GRIP2: variants seen among roughly 807,000 people sequenced by gnomAD.
The protein encoded by GRIP2 is glutamate receptor interacting protein 2.
In GRIP2, 58 loss-of-function variants were observed where a neutral mutation model predicts 108.3. The ratio of observed to expected loss-of-function variants is 0.54; its 90% CI spans 0.43 to 0.67. The LOEUF (loss-of-function observed/expected upper bound fraction) is 0.67. Ranked by LOEUF, GRIP2 falls within the 30% of genes least tolerant of loss-of-function variation. GRIP2 has a pLI of 0.00. For missense variants in GRIP2, 1,278 were observed against 1,430.6 expected (o/e 0.89, Z 1.72); for synonymous variants, 586 against 598.2 (o/e 0.98, Z 0.30).
chr3:14,493,721 C>T lies in GRIP2; in HGVS notation c.3076G>A (p.Ala1026Thr), dbSNP rs781001244. The T allele has an allele frequency of 4.3e-6, 7 of 1,610,140 alleles. No homozygotes were observed. The East Asian group carries it at 6.7e-5, about 15-fold the overall frequency. ...ELIISRKPHT[A>T]HSSRAPRSPG... ...GATCGGGGGGCCCGGCTGCTGTGTG[C>T]CGTGTGCGGCTTGCGGCTGATGATC... The change falls in exon 24 of 24, where the codon GCA becomes ACA. Residue 1026 changes from alanine to threonine, a missense_variant. Ala to Thr is a moderately conservative substitution (Grantham distance 58). Transcript: ENST00000621039.
the GRIP2 span, among the ~76,000 whole-genome samples, chr3:14,583,560 G>A: frequency 2.6e-5 from 4 of 152,232 alleles, no homozygotes; most frequent in African/African-American, 4.8e-5. Flanking sequence ...GAGGCTGGGA[G>A]GCTGAGAGGG....
At chr3:14,590,233 C>T in the GRIP2 span, among the ~76,000 whole-genome samples, 1 of 152,166 alleles carries the variant, frequency 6.6e-6, no homozygotes, top group Admixed American at 6.5e-5. Context: ...TGTGTTTCCT[C>T]TTCTAATCGC....
the GRIP2 span, among the ~76,000 whole-genome samples, chr3:14,561,740 G>A: frequency 3.9e-5 from 6 of 152,158 alleles, no homozygotes; most frequent in Non-Finnish European, 8.8e-5. Flanking sequence ...CTTCCCCACG[G>A]GCCAAGTGGT....
chr3:14,549,670 C>A (rs556705420), intron 1 of GRIP2, among the ~76,000 whole-genome samples: 3 of 152,278 alleles, frequency 2.0e-5, no homozygotes, highest in South Asian at 2.1e-4. Context: ...ATGACAATCC[C>A]GGCTGGCCCC....
At chr3:14,585,522 T>C in the GRIP2 span, among the ~76,000 whole-genome samples, 1 of 152,166 alleles carries the variant, frequency 6.6e-6, no homozygotes, top group Non-Finnish European at 1.5e-5. Flanking sequence ...CCGAGGCAGC[T>C]GGAGGGGAAA....
chr3:14,574,630 A>AG, the GRIP2 span: 16 of 669,840 alleles, frequency 2.4e-5, no homozygotes, highest in Non-Finnish European at 2.2e-5. Flanking sequence ...TGGGCAAAGA[A>AG]GGATGTGTCC....
At chr3:14,527,023 CA>C (rs1288037079) in intron 1 of GRIP2, among the ~76,000 whole-genome samples, 1 of 152,078 alleles carries the variant, frequency 6.6e-6, no homozygotes, top group Non-Finnish European at 1.5e-5. Flanking sequence ...CCCATCTCTA[CA>C]AAAAATGCAA....
the GRIP2 span, chr3:14,572,753 T>C: frequency 9.3e-6 from 5 of 539,888 alleles, no homozygotes; most frequent in African/African-American, 5.8e-5. Context: ...AGTTCCCACA[T>C]GGAGCAGGTG....
chr3:14,494,161 A>G (rs1693503756), intron 23 of GRIP2, among the ~76,000 whole-genome samples: 1 of 152,306 alleles, frequency 6.6e-6, no homozygotes, highest in Middle Eastern at 3.4e-3. Context: ...TCTTCTTTCT[A>G]TTTTATTTGC....
chr3:14,544,240 G>A (rs1695023939), upstream of GRIP2, among the ~76,000 whole-genome samples: 1 of 152,050 alleles, frequency 6.6e-6, no homozygotes. Flanking sequence ...TCCCAACGCA[G>A]GGCCAGGCCT....
chr3:14,560,344 G>A (rs2124990072), upstream of GRIP2, among the ~76,000 whole-genome samples: 1 of 152,296 alleles, frequency 6.6e-6, no homozygotes, highest in Middle Eastern at 3.4e-3. Flanking sequence ...GTGCAGTCCA[G>A]CTTCTCTAGA....
upstream of GRIP2, among the ~76,000 whole-genome samples, chr3:14,557,990 C>T (rs559946367): frequency 2.0e-5 from 3 of 152,262 alleles, no homozygotes; most frequent in South Asian, 6.2e-4. Flanking sequence ...AATATGTAAC[C>T]GTTATTAGTG....
In GRIP2 at chr3:14,520,410, C is replaced by T; in HGVS notation, c.840G>A (p.Lys280=). The change falls in exon 8 of 24, where the codon AAG becomes AAA. Residue 280 remains lysine (K), a synonymous_variant. Transcript: ENST00000621039. ...NKSVITIDRI[K]PASVVDRSGA... is the part of the protein sequence containing the mutation. ...CTTACCTGTCCACCACGCTGGCTGG[C>T]TTGATGCGGTCGATGGTAATGACTG... is the stretch of plus-strand genomic sequence containing the variant. 1 of 1,612,706 alleles carries T rather than the reference C, an allele frequency of 6.2e-7. No individual in the cohort carries two copies. Among genetic ancestry groups the T allele is most frequent in the Non-Finnish European group, 8.5e-7 (1 of 1,179,388 alleles).
chr3:14,600,765 T>C, the GRIP2 span, among the ~76,000 whole-genome samples: 1 of 152,164 alleles, frequency 6.6e-6, no homozygotes, highest in Non-Finnish European at 1.5e-5. Context: ...CTTTTTAAAA[T>C]AGTAATTTCC....
At chr3:14,549,918 T>C (rs1054608127) in intron 1 of GRIP2, among the ~76,000 whole-genome samples, 5 of 152,096 alleles carry the variant, frequency 3.3e-5, no homozygotes, top group African/African-American at 1.2e-4. Flanking sequence ...ACTTGAATAT[T>C]GAAAGAGAAC....
At chr3:14,498,437 T>A (rs1693675753) in intron 21 of GRIP2, among the ~76,000 whole-genome samples, 1 of 152,148 alleles carries the variant, frequency 6.6e-6, no homozygotes, top group African/African-American at 2.4e-5. Context: ...CACTCCAGCC[T>A]GGGCAACAGA....
chr3:14,518,032 A>C, intron 9 of GRIP2, 135 bp from the exon 10 acceptor site: 1 of 1,065,658 alleles, frequency 9.4e-7, no homozygotes, highest in Non-Finnish European at 1.3e-6. Flanking sequence ...TTCTGCTCAC[A>C]TGTCCCGGAC....
At chr3:14,569,134 C>G in the GRIP2 span, among the ~76,000 whole-genome samples, 1 of 152,224 alleles carries the variant, frequency 6.6e-6, no homozygotes, top group South Asian at 2.1e-4. Flanking sequence ...CCTTATGGGG[C>G]TTTGCCTCCC....
intron 1 of GRIP2, among the ~76,000 whole-genome samples, chr3:14,536,398 C>T (rs1168237105): frequency 6.6e-6 from 1 of 152,198 alleles, no homozygotes; most frequent in Non-Finnish European, 1.5e-5. Context: ...TGCCCTGAAC[C>T]CTTGGCTCTG....
Sources: gnomAD v4.1 joint callset for allele counts (sites outside exome capture counted in the v4.1 genomes callset) on GRCh38, gnomAD v4.1.1 for gene constraint, MANE v1.5 for transcripts, NCBI Gene and HGNC (gene_info 2026-07-23, HGNC 2026-07-21) for gene names.